Variants in SCN11A observed in about 807,000 individuals in gnomAD.
SCN11A encodes the protein sodium voltage-gated channel alpha subunit 11.
In SCN11A, 122 loss-of-function variants were observed where a neutral mutation model predicts 162.2. The observed-to-expected ratio is 0.75, with a 90% CI of 0.65 to 0.87. The LOEUF is 0.87. SCN11A is among the 40% of genes least tolerant of loss of function. The pLI is 0.00. For synonymous variants in SCN11A, 758 were observed against 751.5 expected (o/e 1.01, Z -0.14); for missense variants, 2,015 against 2,181.6 (o/e 0.92, Z 1.52).
intron 2 of SCN11A, among the ~76,000 whole-genome samples, chr3:38,993,995 T>C (rs562657663): frequency 6.6e-6 from 1 of 152,348 alleles, no homozygotes; most frequent in African/African-American, 2.4e-5. Context: ...CAGCCCTAGC[T>C]GTCCACGCAG....
chr3:38,874,918 T>C (rs1339529860), intron 23 of SCN11A, among the ~76,000 whole-genome samples: 1 of 152,212 alleles, frequency 6.6e-6, no homozygotes, highest in Non-Finnish European at 1.5e-5. Flanking sequence ...TATCTTTTTG[T>C]GGTTTATGCT....
intron 2 of SCN11A, chr3:39,026,066 G>A (rs1339841333): frequency 2.0e-5 from 3 of 151,872 alleles, no homozygotes; most frequent in Admixed American, 6.6e-5. Flanking sequence ...AGAATAACAC[G>A]CAAATTCATG....
intron 2 of SCN11A, among the ~76,000 whole-genome samples, chr3:39,010,083 A>C (rs1236152656): frequency 6.6e-6 from 1 of 152,152 alleles, no homozygotes; most frequent in Non-Finnish European, 1.5e-5. Flanking sequence ...GTTAAACGGA[A>C]GTTGTCAAAA....
intron 2 of SCN11A, among the ~76,000 whole-genome samples, chr3:39,004,030 T>A (rs2030895527): frequency 6.6e-6 from 1 of 152,258 alleles, no homozygotes; most frequent in South Asian, 2.1e-4. Flanking sequence ...CTTAATTAGA[T>A]CCCACCTGTC....
rs553089143 is a variant in SCN11A at position 38,851,790 on chromosome 3, G to A, written c.4057-1039C>T. Among the ~76,000 whole-genome samples, 32 of 152,242 alleles carry A rather than the reference G, an allele frequency of 2.1e-4. 1 individual carries two copies. The highest frequency in any genetic ancestry group is 5.5e-4 in the African/African-American group (23 of 41,540). On this transcript the variant is annotated intron_variant, in intron 28 of 29. Coordinates refer to ENST00000302328, the MANE Select transcript of SCN11A (RefSeq NM_001349253.2). ...CCAAGGGATCTGTTATATAATCCAG[G>A]CAAAGATGATGTTGGCTTGTGGTGG... is the stretch of plus-strand genomic sequence containing the variant.
intron 2 of SCN11A, among the ~76,000 whole-genome samples, chr3:39,031,637 TAAAC>T (rs2031755096): frequency 6.6e-6 from 1 of 152,148 alleles, no homozygotes; most frequent in Non-Finnish European, 1.5e-5. Flanking sequence ...ACTTTGAACT[TAAAC>T]ATTTTAAGCA....
chr3:38,877,113 A>G lies in SCN11A; in HGVS notation c.3393+2837T>C, dbSNP rs9714346. ...TATATGGTATATATATGGTGTATAT[A>G]CTATATATATGGTGTATATACTATA... On this transcript the variant is annotated intron_variant, in intron 23 of 29. Transcript: ENST00000302328. Among the ~76,000 whole-genome samples the G allele has an allele frequency of 4.1e-5, 4 of 98,118 alleles. 1 individual carries two copies. Among genetic ancestry groups the G allele is most frequent in the African/African-American group, 1.6e-4 (4 of 25,042 alleles). 64.4% of individuals were successfully genotyped at this position (98,118 alleles called of 152,430 possible).
chr3:38,867,469 T>A lies in SCN11A; in HGVS notation c.3814-11A>T. On this transcript the variant is annotated splice_polypyrimidine_tract_variant and intron_variant, in intron 26 of 29. Transcript: ENST00000302328. Reference sequence around the variant, plus strand: ...TGGCTGTTGTTCTTTCTGTTAGAAATTTTTTTAATAAGAGAAAAAAACAAT... The same window carrying A: ...TGGCTGTTGTTCTTTCTGTTAGAAAATTTTTTAATAAGAGAAAAAAACAAT... 1.3e-6 allele frequency: 2 copies of A among 1,584,126 alleles called. No homozygotes were observed. Among genetic ancestry groups the A allele is most frequent in the Non-Finnish European group, 1.7e-6 (2 of 1,167,258 alleles).
chr3:38,885,969 A>G (rs1267363430), intron 20 of SCN11A, among the ~76,000 whole-genome samples, 156 bp downstream of exon 20: 1 of 152,226 alleles, frequency 6.6e-6, no homozygotes, highest in African/African-American at 2.4e-5. Flanking sequence ...CAAATGTCAT[A>G]CTAGTAAAGT....
rs1553637480 is a variant in SCN11A at position 38,896,941 on chromosome 3, C to T, written c.2307G>A (p.Trp769Ter). Reference protein sequence around the residue: ...LVVFRILCGEWIENMWECMQE... With the variant: ...LVVFRILCGE The stretch of plus-strand genomic sequence containing the variant: ...GCATACATTCCCACATATTTTCGAT[C>T]CATTCCCCGCAGAGGATGCGGAATA... Residue 769 changes from tryptophan (W) to a stop codon, truncating the protein, a stop_gained, in exon 18 of 30, where the codon TGG becomes TGA. Coordinates refer to ENST00000302328, the MANE Select transcript of SCN11A (RefSeq NM_001349253.2). LOFTEE classifies it high-confidence loss of function. The T allele has an allele frequency of 6.2e-7, 1 of 1,613,808 alleles. No individual in the cohort carries two copies. Among genetic ancestry groups the T allele is most frequent in the Non-Finnish European group, 8.5e-7 (1 of 1,180,008 alleles).
chr3:38,872,072 G>A, intron 24 of SCN11A, 121 bp downstream of exon 24: 1 of 725,228 alleles, frequency 1.4e-6, no homozygotes, highest in South Asian at 1.6e-5. Flanking sequence ...GCACTGGGCA[G>A]GCTGGGAAGT....
At chr3:39,050,811 T>G (rs2032332435) in intron 1 of SCN11A, among the ~76,000 whole-genome samples, 1 of 152,244 alleles carries the variant, frequency 6.6e-6, no homozygotes. Context: ...TTCTTCAAAC[T>G]AGTCTTTGAA....
chr3:39,024,723 G>A (rs1161899152), intron 2 of SCN11A, among the ~76,000 whole-genome samples: 1 of 152,194 alleles, frequency 6.6e-6, no homozygotes, highest in African/African-American at 2.4e-5. Context: ...AAAGGGTCCT[G>A]CCCCATACCC....
chr3:38,950,080 C>CCCCCCCCCCCCCCCCCA lies in SCN11A; in HGVS notation c.267+15_267+16insTGGGGGGGGGGGGGGGG. The CCCCCCCCCCCCCCCCCA allele has an allele frequency of 5.0e-6, 1 of 199,888 alleles. No individual in the cohort carries two copies. The highest frequency in any genetic ancestry group is 7.5e-5 in the South Asian group (1 of 13,274). 12.4% of individuals were successfully genotyped at this position (199,888 alleles called of 1,614,324 possible). ...ACACCCCCACCCCCACCCCCCCCCCCCGCCCAATGAAGTACCTTATGATTT... is the reference window on the plus strand; with the variant it reads ...ACACCCCCACCCCCACCCCCCCCCCCCCCCCCCCCCCCCCCCACGCCCAATGAAGTACCTTATGATTT... On this transcript the variant is annotated intron_variant, in intron 5 of 29. Coordinates refer to ENST00000302328, the MANE Select transcript of SCN11A (RefSeq NM_001349253.2).
At chr3:38,932,728 C>A (rs948758078) in intron 7 of SCN11A, among the ~76,000 whole-genome samples, 1 of 152,248 alleles carries the variant, frequency 6.6e-6, no homozygotes, top group African/African-American at 2.4e-5. Flanking sequence ...GAAGCTCCAA[C>A]TGGGTGGAGC....
chr3:38,950,436 C>G, intron 4 of SCN11A, 67 bp from the exon 5 acceptor site: 1 of 1,506,804 alleles, frequency 6.6e-7, no homozygotes, highest in Non-Finnish European at 9.1e-7. Flanking sequence ...ACAGCCTGCC[C>G]TAGGATTCCA....
At chr3:38,870,193 TTAAC>T (rs2065102536) in intron 26 of SCN11A, among the ~76,000 whole-genome samples, 1 of 152,152 alleles carries the variant, frequency 6.6e-6, no homozygotes, top group Non-Finnish European at 1.5e-5. Context: ...TATCTTTTCT[TTAAC>T]TAAAATTCAA....
chr3:38,981,296 T>C (rs1196735776), intron 2 of SCN11A, among the ~76,000 whole-genome samples: 1 of 152,220 alleles, frequency 6.6e-6, no homozygotes, highest in Non-Finnish European at 1.5e-5. Context: ...TCCAGGAATG[T>C]CACTTCCTGA....
intron 26 of SCN11A, among the ~76,000 whole-genome samples, chr3:38,868,106 C>T (rs559094476): frequency 1.3e-5 from 2 of 152,296 alleles, no homozygotes; most frequent in Admixed American, 6.5e-5. Flanking sequence ...CACCTAAGAG[C>T]CCTTTCATCC....
Sources: gnomAD v4.1 joint callset for allele counts (sites outside exome capture counted in the v4.1 genomes callset) on GRCh38, gnomAD v4.1.1 for gene constraint, MANE v1.5 for transcripts, NCBI Gene and HGNC (gene_info 2026-07-23, HGNC 2026-07-21) for gene names.